RGS6: variants seen among roughly 807,000 people sequenced by gnomAD.
RGS6 encodes the protein regulator of G-protein signaling 6.
A neutral mutation model predicts 78.5 loss-of-function variants in RGS6; 30 were observed. The ratio of observed to expected loss-of-function variants is 0.38; its 90% CI spans 0.29 to 0.52. The LOEUF (loss-of-function observed/expected upper bound fraction) is 0.52, where lower values mean the gene tolerates loss of function less well. RGS6 is among the 20% of genes least tolerant of loss of function. The pLI, the probability that RGS6 is intolerant of heterozygous loss-of-function variation, is 0.85. For missense variants in RGS6, 495 were observed against 609.7 expected, an observed-to-expected ratio of 0.81 and a Z score of 1.98; for synonymous variants, 206 against 206.0, an observed-to-expected ratio of 1.00 and a Z score of 0.00.
intron 13 of RGS6, among the ~76,000 whole-genome samples, chr14:72,508,694 C>T (rs912824653): frequency 6.8e-6 from 1 of 147,350 alleles, no homozygotes; most frequent in African/African-American, 2.5e-5. Flanking sequence ...AAAATATATG[C>T]ATCTATTTTT....
chr14:71,973,727 G>T (rs1326882054), intron 2 of RGS6, among the ~76,000 whole-genome samples: 1 of 152,270 alleles, frequency 6.6e-6, no homozygotes, highest in East Asian at 1.9e-4. Context: ...TAATTTAATT[G>T]TTCAGTCTAC....
the RGS6 span, among the ~76,000 whole-genome samples, chr14:71,915,097 A>C: frequency 6.2e-4 from 94 of 151,432 alleles, no homozygotes; most frequent in Admixed American, 1.6e-3. Flanking sequence ...AACATAACAA[A>C]AAAAAAAAAA....
chr14:72,135,188 A>C (rs1286538218), intron 2 of RGS6, among the ~76,000 whole-genome samples: 1 of 152,110 alleles, frequency 6.6e-6, no homozygotes, highest in African/African-American at 2.4e-5. Flanking sequence ...AACCCCTTGG[A>C]TAGGGTCAGT....
intron 16 of RGS6, among the ~76,000 whole-genome samples, chr14:72,536,708 G>A (rs1364360018): frequency 6.6e-6 from 1 of 152,146 alleles, no homozygotes; most frequent in African/African-American, 2.4e-5. Flanking sequence ...TGAGGCCAGG[G>A]TTGGGGCAGC....
intron 2 of RGS6, among the ~76,000 whole-genome samples, chr14:71,997,560 A>G (rs1301708161): frequency 1.3e-5 from 2 of 152,194 alleles, no homozygotes; most frequent in African/African-American, 2.4e-5. Flanking sequence ...GTGTCCTCAA[A>G]AAGGTTAACC....
At chr14:72,477,789 T>G (rs2096274652) in intron 11 of RGS6, among the ~76,000 whole-genome samples, 1 of 142,672 alleles carries the variant, frequency 7.0e-6, no homozygotes, top group African/African-American at 2.6e-5. Flanking sequence ...AGAATGAGAC[T>G]CTGTCTCAAA....
intron 3 of RGS6, among the ~76,000 whole-genome samples, chr14:72,376,972 G>A (rs144275812): frequency 3.3e-5 from 5 of 151,922 alleles, no homozygotes; most frequent in Non-Finnish European, 7.4e-5. Flanking sequence ...ACACCCAACT[G>A]CAAAAATAAG....
intron 3 of RGS6, among the ~76,000 whole-genome samples, chr14:72,443,320 A>G (rs1395421254): frequency 1.3e-5 from 2 of 152,256 alleles, no homozygotes; most frequent in African/African-American, 4.8e-5. Flanking sequence ...TCTTTGCTCA[A>G]GAACTTGTAT....
intron 2 of RGS6, among the ~76,000 whole-genome samples, chr14:71,968,825 T>C (rs1319263156): frequency 1.3e-5 from 2 of 152,230 alleles, no homozygotes; most frequent in East Asian, 1.9e-4. Context: ...TCTCACTTTT[T>C]TATTGATTTT....
At chr14:71,963,615 T>A (rs1052433429) in intron 1 of RGS6, among the ~76,000 whole-genome samples, 4 of 152,282 alleles carry the variant, frequency 2.6e-5, no homozygotes, top group African/African-American at 7.2e-5. Flanking sequence ...TGTGACGTTT[T>A]GTGTCTGGCT....
chr14:72,470,452 A>ACAACAT (rs1402039209), intron 8 of RGS6, among the ~76,000 whole-genome samples: 81 of 152,366 alleles, frequency 5.3e-4, no homozygotes, highest in African/African-American at 1.9e-3. Context: ...AACAGGTTGG[A>ACAACAT]GTTTTAGGAA....
At chr14:72,208,585 T>A (rs1272441562) in intron 2 of RGS6, among the ~76,000 whole-genome samples, 1 of 152,184 alleles carries the variant, frequency 6.6e-6, no homozygotes, top group Non-Finnish European at 1.5e-5. Context: ...CTGGGTCCTA[T>A]TTCCCTTTGT....
the RGS6 span, among the ~76,000 whole-genome samples, chr14:72,613,252 A>G: frequency 2.6e-5 from 4 of 152,128 alleles, no homozygotes; most frequent in Non-Finnish European, 4.4e-5. Flanking sequence ...TACAAGGCCC[A>G]CTTACCTGCC....
At chr14:72,335,711 T>C (rs570610407) in intron 2 of RGS6, among the ~76,000 whole-genome samples, 1 of 152,304 alleles carries the variant, frequency 6.6e-6, no homozygotes, top group African/African-American at 2.4e-5. Context: ...ACACATAAAA[T>C]ATACTAACAC....
In RGS6 at chr14:72,250,399, GA is replaced by G. The variant is rs58591258; in HGVS notation, c.85-101682del. Among the ~76,000 whole-genome samples, 630 of 114,280 alleles carry G rather than the reference GA, an allele frequency of 5.5e-3. 6 individuals are homozygous for G. The highest frequency in any genetic ancestry group is 0.011 in the Admixed American group (121 of 10,812). The allele number at this position is 114,280 out of a possible 152,430, so 75.0% of individuals were successfully genotyped here. ...CTTGGCTTTTACATGTAAATACACC[GA>G]AAAAAAAAAAAAACCCCAAGGGATG... On this transcript the variant is annotated intron_variant, in intron 2 of 17. Coordinates refer to ENST00000553525, the MANE Select transcript of RGS6 (RefSeq NM_001204424.2).
intron 2 of RGS6, among the ~76,000 whole-genome samples, chr14:72,212,187 C>A (rs2044344620): frequency 6.6e-6 from 1 of 152,166 alleles, no homozygotes; most frequent in Non-Finnish European, 1.5e-5. Context: ...TTGCACACAG[C>A]TCCCTTTGTG....
chr14:72,497,181 G>C (rs1452307395), intron 13 of RGS6, among the ~76,000 whole-genome samples: 1 of 152,162 alleles, frequency 6.6e-6, no homozygotes, highest in Non-Finnish European at 1.5e-5. Flanking sequence ...GAGCAAAACT[G>C]TAACACATCT....
chr14:72,255,954 C>T (rs878973620), intron 2 of RGS6, among the ~76,000 whole-genome samples: 1 of 152,124 alleles, frequency 6.6e-6, no homozygotes, highest in South Asian at 2.1e-4. Context: ...ATTTCAGAAA[C>T]GTGCAACTTC....
chr14:72,013,240 C>T (rs1329876994), intron 2 of RGS6, among the ~76,000 whole-genome samples: 1 of 140,428 alleles, frequency 7.1e-6, no homozygotes, highest in East Asian at 2.1e-4. Context: ...CACTGCACTC[C>T]AGCCTAGGTG....
Sources: allele counts gnomAD v4.1 joint callset (sites outside exome capture counted in the v4.1 genomes callset), GRCh38; gene constraint gnomAD v4.1.1; transcripts MANE v1.5; gene names NCBI Gene and HGNC (gene_info 2026-07-23, HGNC 2026-07-21).